Variants in TMEM165 observed in about 807,000 individuals in gnomAD.
The protein encoded by TMEM165 is putative divalent cation/proton antiporter TMEM165.
A neutral mutation model predicts 30.0 loss-of-function variants in TMEM165; 19 were observed. That is an observed-to-expected ratio of 0.63 (90% CI 0.44 to 0.93). The LOEUF (loss-of-function observed/expected upper bound fraction) is 0.93, where lower values mean the gene tolerates loss of function less well. Among genes scored for constraint, TMEM165 ranks in the 40% least tolerant of loss-of-function variants. The pLI, the probability that TMEM165 is intolerant of heterozygous loss-of-function variation, is 0.00. For missense variants in TMEM165, 340 were observed against 417.0 expected (o/e 0.82, Z 1.61); for synonymous variants, 168 against 162.9 (o/e 1.03, Z -0.24).
chr4:55,441,295 C>CACTT (rs1723349872), intron 3 of TMEM165, among the ~76,000 whole-genome samples: 1 of 152,176 alleles, frequency 6.6e-6, no homozygotes, highest in African/African-American at 2.4e-5. Flanking sequence ...GTGGTGAAAA[C>CACTT]ACTTACACAC....
Position 55,411,797 on chromosome 4 carries a change from G to A in TMEM165, c.391G>A (p.Ala131Thr), listed in dbSNP as rs1428408595. The A allele has an allele frequency of 6.2e-7, 1 of 1,614,212 alleles. No homozygotes were observed. Among genetic ancestry groups the A allele is most frequent in the South Asian group, 1.1e-5 (1 of 91,086 alleles). ...GCGCTATAACCGCCTGACCGTGCTG[G>A]CTGGTGCAATGCTTGCCTTGGGACT... ...AMRYNRLTVL[A>T]GAMLALGLMT... Residue 131 changes from alanine (A) to threonine (T), a missense_variant, in exon 2 of 6, where the codon GCT becomes ACT. Physicochemically the swap from Ala to Thr is moderately conservative, Grantham distance 58. Around this residue, in one of 2 missense-constraint regions of TMEM165, gnomAD observed 220 missense variants for 307.6 expected, o/e 0.72. Transcript: ENST00000381334.
In TMEM165 at chr4:55,425,869, A is replaced by G. The variant is rs1722173248; in HGVS notation, c.*417A>G. The stretch of plus-strand genomic sequence containing the variant: ...AGAATGAATTAATTTCTATTTCTTA[A>G]AACATTTCCCTGAGCCAGTAAACAG... On this transcript the variant is annotated 3_prime_UTR_variant, in exon 6 of 6. Transcript: ENST00000381334. The G allele has an allele frequency of 6.5e-6, 1 of 153,546 alleles. No individual in the cohort carries two copies. The highest frequency in any genetic ancestry group is 1.4e-5 in the Non-Finnish European group (1 of 68,998). The allele number at this position is 153,546 out of a possible 1,614,324, so 9.5% of individuals were successfully genotyped here. A position where few individuals can be genotyped will look rare whatever the true frequency, so the allele number is the denominator to read the frequency against.
chr4:55,403,512 T>TC (rs1721130642), intron 1 of TMEM165, among the ~76,000 whole-genome samples: 1 of 145,928 alleles, frequency 6.9e-6, no homozygotes, highest in South Asian at 2.2e-4. Flanking sequence ...TTTTTTTTTT[T>TC]ACAATTTTTA....
At chr4:55,402,304 C>G (rs1721031110) in intron 1 of TMEM165, among the ~76,000 whole-genome samples, 1 of 141,982 alleles carries the variant, frequency 7.0e-6, no homozygotes, top group Non-Finnish European at 1.5e-5. Flanking sequence ...AAACCATTCA[C>G]AAAAATACGT....
At chr4:55,404,420 C>T (rs940919019) in intron 1 of TMEM165, among the ~76,000 whole-genome samples, 1 of 151,832 alleles carries the variant, frequency 6.6e-6, no homozygotes, top group South Asian at 2.1e-4. Context: ...TTGCCTTTTC[C>T]TTGAAATTCT....
rs1724595086 is a variant in TMEM165, at chr4:55,452,924, TATAA to T, written c.*619_*622del. 6 of 688,380 alleles carry T rather than the reference TATAA, an allele frequency of 8.7e-6. No homozygotes were observed. The East Asian group carries it at 1.7e-4, about 20-fold the overall frequency. The allele number at this position is 688,380 out of a possible 1,614,324, so 42.6% of individuals were successfully genotyped here. On this transcript the variant is annotated 3_prime_UTR_variant, in exon 4 of 4. Coordinates refer to the TMEM165 transcript ENST00000608091. The stretch of plus-strand genomic sequence containing the variant: ...ATTAAATTAAAAATAAGTAGTAAAG[TATAA>T]TCACATCCCCGTTATAAGTGAGGAA...
chr4:55,410,300 G>A (rs915152486), intron 1 of TMEM165, among the ~76,000 whole-genome samples: 12 of 152,180 alleles, frequency 7.9e-5, no homozygotes, highest in African/African-American at 2.4e-4. Context: ...ATAGAATAAC[G>A]TTGGACTTGT....
intron 1 of TMEM165, among the ~76,000 whole-genome samples, chr4:55,402,445 T>C (rs1179599444): frequency 1.7e-5 from 1 of 59,672 alleles, no homozygotes; most frequent in African/African-American, 6.7e-5. Context: ...TTTTTTTTTT[T>C]TTTTTTTTTT....
In TMEM165 at chr4:55,396,450, C is replaced by T. The variant is rs1720731672; in HGVS notation, c.207+54C>T. Reference sequence around the variant, plus strand: ...GCTGCAGGGCCGGCTGCGCCGAGTACCAGGCTCCAGGCCTTTGAAAGCGCC... The same window carrying T: ...GCTGCAGGGCCGGCTGCGCCGAGTATCAGGCTCCAGGCCTTTGAAAGCGCC... On this transcript the variant is annotated intron_variant, in intron 1 of 5. Coordinates refer to ENST00000381334, the MANE Select transcript of TMEM165 (RefSeq NM_018475.5). The T allele has an allele frequency of 5.3e-6, 7 of 1,333,040 alleles. No individual in the cohort carries two copies. The African/African-American group carries it at 1.1e-4, about 21-fold the overall frequency. 82.6% of individuals were successfully genotyped at this position (1,333,040 alleles called of 1,614,324 possible). A position where few individuals can be genotyped will look rare whatever the true frequency, so the allele number is the denominator to read the frequency against.
intron 3 of TMEM165, among the ~76,000 whole-genome samples, chr4:55,447,955 T>C (rs1724006519): frequency 6.6e-6 from 1 of 152,142 alleles, no homozygotes; most frequent in Non-Finnish European, 1.5e-5. Context: ...AGTTGGGAAG[T>C]TAGGCTCTAA....
At chr4:55,444,977 T>A (rs1723684323) in intron 3 of TMEM165, among the ~76,000 whole-genome samples, 1 of 152,188 alleles carries the variant, frequency 6.6e-6, no homozygotes, top group South Asian at 2.1e-4. Context: ...TTCAAAATAT[T>A]TCTCCTTTGC....
chr4:55,442,647 A>G, intron 3 of TMEM165: 1 of 1,603,462 alleles, frequency 6.2e-7, no homozygotes, highest in Non-Finnish European at 8.5e-7. Context: ...GTTAAAAATA[A>G]AGAGATTTTA....
In TMEM165 at chr4:55,411,542, A is replaced by C. The variant is rs1721497396; in HGVS notation, c.208-72A>C. ...GACAAGAAAATTTTCAAAAAAACTAAATCTTATTTACGTGCAAAATAAAAT... is the reference window on the plus strand; with the variant it reads ...GACAAGAAAATTTTCAAAAAAACTACATCTTATTTACGTGCAAAATAAAAT... On this transcript the variant is annotated intron_variant, in intron 1 of 5. Coordinates refer to ENST00000381334, the MANE Select transcript of TMEM165 (RefSeq NM_018475.5). 4.3e-6 allele frequency: 6 copies of C among 1,394,120 alleles called. No homozygotes were observed. In the South Asian group the frequency reaches 7.8e-5, roughly 18 times the overall value. The allele number at this position is 1,394,120 out of a possible 1,614,324, so 86.4% of individuals were successfully genotyped here. A position where few individuals can be genotyped will look rare whatever the true frequency, so the allele number is the denominator to read the frequency against.
intron 1 of TMEM165, among the ~76,000 whole-genome samples, chr4:55,399,734 T>G (rs911236191): frequency 9.2e-5 from 14 of 151,954 alleles, no homozygotes; most frequent in African/African-American, 3.1e-4. Flanking sequence ...TTTTATTTAA[T>G]TTTTTTTATA....
rs779397098 is a variant in TMEM165 at position 55,448,858 on chromosome 4, G to A, written c.409-3381G>A. 3 of 1,613,340 alleles carry A rather than the reference G, an allele frequency of 1.9e-6. No homozygotes were observed. The South Asian group carries it at 3.3e-5, about 18-fold the overall frequency. ...TGTTAATGATGAACCAACAGACTGGGAATTTATGGACTAGAGCAAAATAAA... is the reference window on the plus strand; with the variant it reads ...TGTTAATGATGAACCAACAGACTGGAAATTTATGGACTAGAGCAAAATAAA... On this transcript the variant is annotated intron_variant, in intron 3 of 3. Coordinates refer to the TMEM165 transcript ENST00000608091.
Position 55,400,699 on chromosome 4 carries a change from G to T in TMEM165, c.207+4303G>T, listed in dbSNP as rs1720965615. ...GATCCGCCTGCCTCGGCCTCCCAAA[G>T]TGCTGGGATTACAGGAGTGAGCCAC... On this transcript the variant is annotated intron_variant, in intron 1 of 5. Transcript: ENST00000381334. 1.3e-5 allele frequency among the ~76,000 whole-genome samples: 2 copies of T among 149,706 alleles called. 1 individual carries two copies. Among genetic ancestry groups the T allele is most frequent in the African/African-American group, 5.1e-5 (2 of 39,424 alleles).
intron 2 of TMEM165, among the ~76,000 whole-genome samples, chr4:55,413,485 T>C (rs1283354948): frequency 4.6e-5 from 7 of 152,146 alleles, no homozygotes; most frequent in African/African-American, 9.7e-5. Flanking sequence ...TGGATACTTA[T>C]TGTATGTTTT....
intron 3 of TMEM165, among the ~76,000 whole-genome samples, chr4:55,448,601 C>CGCGCGTGT (rs764071880): frequency 0.023 from 2,675 of 116,840 alleles, 45 homozygotes; most frequent in South Asian, 0.048. Flanking sequence ...CGCACGCGCG[C>CGCGCGTGT]GTGTGTGTGT....
intron 3 of TMEM165, chr4:55,442,570 G>A (rs1483697702): frequency 6.2e-7 from 1 of 1,612,204 alleles, no homozygotes; most frequent in East Asian, 2.2e-5. Context: ...GGCTGTAAGA[G>A]TGCTCTGTGT....
Sources: gnomAD v4.1 joint callset for allele counts (sites outside exome capture counted in the v4.1 genomes callset) on GRCh38, gnomAD v4.1.1 for gene constraint, gnomAD v4.1.1 regional missense constraint, MANE v1.5 for transcripts, NCBI Gene and HGNC (gene_info 2026-07-23, HGNC 2026-07-21) for gene names.